Variants in PIEZO2 observed in about 807,000 individuals in gnomAD.
The protein encoded by PIEZO2 is piezo type mechanosensitive ion channel component 2, also known as piezo-type mechanosensitive ion channel component 2.
PIEZO2 carries 172 observed loss-of-function variants against 337.3 expected under a neutral mutation model. The observed-to-expected ratio is 0.51, with a 90% confidence interval of 0.45 to 0.58. PIEZO2 has a LOEUF of 0.58. Ranked by LOEUF, PIEZO2 falls within the 20% of genes least tolerant of loss-of-function variation. The pLI is 0.00. For synonymous variants in PIEZO2, 1,251 were observed against 1,228.5 expected, an observed-to-expected ratio of 1.02 and a Z score of -0.38; for missense variants, 3,028 against 3,391.3, an observed-to-expected ratio of 0.89 and a Z score of 2.66.
chr18:11,122,637 A>C (rs1373997497), intron 1 of PIEZO2, among the ~76,000 whole-genome samples: 1 of 152,174 alleles, frequency 6.6e-6, no homozygotes, highest in East Asian at 1.9e-4. Flanking sequence ...TATTTCTATT[A>C]ATTAAAAAAC....
chr18:10,841,852 C>T (rs1324285657), intron 7 of PIEZO2, among the ~76,000 whole-genome samples: 3 of 152,120 alleles, frequency 2.0e-5, no homozygotes, highest in African/African-American at 7.2e-5. Context: ...TACACACACA[C>T]ATATATTAAT....
intron 7 of PIEZO2, among the ~76,000 whole-genome samples, chr18:10,817,774 T>A (rs2040405807): frequency 6.6e-6 from 1 of 151,910 alleles, no homozygotes. Flanking sequence ...ATACAAAAAA[T>A]TAGCTGAGTG....
chr18:10,951,704 T>G (rs1034480919), intron 3 of PIEZO2, among the ~76,000 whole-genome samples: 1 of 152,306 alleles, frequency 6.6e-6, no homozygotes, highest in East Asian at 1.9e-4. Flanking sequence ...TCTTTTTATC[T>G]CATATTTATC....
chr18:10,990,668 C>T (rs2035053744), intron 2 of PIEZO2, among the ~76,000 whole-genome samples: 1 of 151,246 alleles, frequency 6.6e-6, no homozygotes, highest in Non-Finnish European at 1.5e-5. Flanking sequence ...GATATGTGCT[C>T]AATATATGTA....
chr18:11,144,122 T>C (rs976206482), intron 1 of PIEZO2, among the ~76,000 whole-genome samples: 1 of 152,102 alleles, frequency 6.6e-6, no homozygotes, highest in Admixed American at 6.5e-5. Flanking sequence ...TATCTCTGAC[T>C]ACGAACAAAC....
At chr18:10,985,958 T>A (rs2034854689) in intron 2 of PIEZO2, among the ~76,000 whole-genome samples, 1 of 151,798 alleles carries the variant, frequency 6.6e-6, no homozygotes. Flanking sequence ...TAAAAAAAAA[T>A]CCAGCTATAC....
At position 10,856,059 on chromosome 18, in the gene PIEZO2, G is replaced by GTTTTA. The variant is rs1233096208; in HGVS notation, c.704-498_704-494dup. 6.6e-6 allele frequency among the ~76,000 whole-genome samples: 1 copy of GTTTTA among 150,622 alleles called. No individual in the cohort carries two copies. Among genetic ancestry groups the GTTTTA allele is most frequent in the East Asian group, 1.9e-4 (1 of 5,154 alleles). ...TGCTTATTTTATTTTATTTTGTTTT[G>GTTTTA]TTTTATTTTATTTTATTTTTTGTAG... On this transcript the variant is annotated intron_variant, in intron 6 of 55. Coordinates refer to ENST00000674853, the MANE Select transcript of PIEZO2 (RefSeq NM_001378183.1). The surrounding 1 kb of genome is among the most constrained non-coding windows in gnomAD (Gnocchi z 4.7).
At chr18:10,760,810 C>G (rs1328287776) in intron 24 of PIEZO2, 101 bp downstream of exon 24, 1 of 910,802 alleles carries the variant, frequency 1.1e-6, no homozygotes, top group African/African-American at 1.7e-5. Context: ...AGCTATCATG[C>G]CTGCAGATGT....
At chr18:10,999,303 T>C (rs1348027708) in intron 2 of PIEZO2, among the ~76,000 whole-genome samples, 1 of 152,188 alleles carries the variant, frequency 6.6e-6, no homozygotes, top group Admixed American at 6.5e-5. Context: ...AGTTGATATT[T>C]TGATCTTTTA....
Position 11,030,413 on chromosome 18 carries a change from AG to A in PIEZO2, c.160+35713del, listed in dbSNP as rs200835912. On this transcript the variant is annotated intron_variant, in intron 2 of 55. Transcript: ENST00000674853. ...GACCATGTTTCATTAGTTATCTGTA[AG>A]GGTCCCTAGTACTCCCTAAGCCCAC... is the stretch of plus-strand genomic sequence containing the variant. 8.8e-3 allele frequency among the ~76,000 whole-genome samples: 1,342 copies of A among 152,300 alleles called. 47 individuals are homozygous for A. Among genetic ancestry groups the A allele is most frequent in the Admixed American group, 0.072 (1,108 of 15,292 alleles).
Position 10,813,974 on chromosome 18 carries a change from T to TTTTTTTTTTTTGAGATGGAGTTTTG in PIEZO2, c.918-6725_918-6701dup, listed in dbSNP as rs2040276497. On this transcript the variant is annotated intron_variant, in intron 7 of 55. Transcript: ENST00000674853. The surrounding 1 kb of genome is among the most constrained non-coding windows in gnomAD (Gnocchi z 4.2). ...GGTGTGAGATGGGACACCATATATT[T>TTTTTTTTTTTTGAGATGGAGTTTTG]TTTTTTTTTTTGAGATGGAGTTTTG... Among the ~76,000 whole-genome samples the TTTTTTTTTTTTGAGATGGAGTTTTG allele has an allele frequency of 6.6e-6, 1 of 151,388 alleles. No individual in the cohort carries two copies. The highest frequency in any genetic ancestry group is 1.5e-5 in the Non-Finnish European group (1 of 67,772).
Position 10,859,821 on chromosome 18 carries a change from G to A in PIEZO2, c.493-2610C>T, listed in dbSNP as rs2041825822. 6.6e-6 allele frequency among the ~76,000 whole-genome samples: 1 copy of A among 152,216 alleles called. No individual in the cohort carries two copies. Among genetic ancestry groups the A allele is most frequent in the Non-Finnish European group, 1.5e-5 (1 of 68,044 alleles). The stretch of plus-strand genomic sequence containing the variant: ...GCCACATAACTCTAGTTGCTCCTGG[G>A]GCGGAGCAGAGGGAGGCAGCAGCGG... On this transcript the variant is annotated intron_variant, in intron 5 of 55. Coordinates refer to ENST00000674853, the MANE Select transcript of PIEZO2 (RefSeq NM_001378183.1). The surrounding 1 kb of genome is among the most constrained non-coding windows in gnomAD (Gnocchi z 4.9).
In PIEZO2 at chr18:11,097,995, G is replaced by A. The variant is rs2146078557; in HGVS notation, c.65-31773C>T. Among the ~76,000 whole-genome samples, 1 of 152,174 alleles carries A rather than the reference G, an allele frequency of 6.6e-6. No individual in the cohort carries two copies. Among genetic ancestry groups the A allele is most frequent in the South Asian group, 2.1e-4 (1 of 4,822 alleles). ...AAATGAATTAATAATAAAAACTAAT[G>A]CTCATATACTTTAATCCAGTAAACC... On this transcript the variant is annotated intron_variant, in intron 1 of 55. Transcript: ENST00000674853. This position sits in a 1 kb window ranked among gnomAD's most constrained non-coding sequence, Gnocchi z 5.0.
intron 3 of PIEZO2, among the ~76,000 whole-genome samples, chr18:10,957,477 A>G (rs1215886644): frequency 2.6e-5 from 4 of 152,150 alleles, no homozygotes; most frequent in African/African-American, 9.7e-5. Flanking sequence ...TTGCAGAAGA[A>G]TGAAATTATA....
chr18:11,118,961 A>G (rs4797501), intron 1 of PIEZO2, among the ~76,000 whole-genome samples: 83,765 of 152,028 alleles, frequency 0.55, 26,513 homozygotes, highest in Non-Finnish European at 0.7. Flanking sequence ...GGACACTTAT[A>G]TCCTGTCGTG....
At chr18:10,950,864 A>T (rs1215202226) in intron 3 of PIEZO2, among the ~76,000 whole-genome samples, 2 of 152,202 alleles carry the variant, frequency 1.3e-5, no homozygotes, top group Non-Finnish European at 2.9e-5. Flanking sequence ...TTTTACTCCC[A>T]AAATATTTCT....
chr18:10,771,735 C>T (rs371103933), intron 20 of PIEZO2, among the ~76,000 whole-genome samples: 1 of 152,340 alleles, frequency 6.6e-6, no homozygotes, highest in Non-Finnish European at 1.5e-5. Context: ...AGAAATGATT[C>T]AGAAGTCTTA....
At chr18:10,880,678 G>A (rs1214109682) in intron 4 of PIEZO2, among the ~76,000 whole-genome samples, 1 of 151,696 alleles carries the variant, frequency 6.6e-6, no homozygotes, top group East Asian at 1.9e-4. Flanking sequence ...GGCTTCTGAA[G>A]TTCACACGCT....
intron 18 of PIEZO2, among the ~76,000 whole-genome samples, chr18:10,778,107 A>C (rs561433524): frequency 6.6e-6 from 1 of 152,178 alleles, no homozygotes; most frequent in African/African-American, 2.4e-5. Context: ...CCCCTCTTTC[A>C]GCCCAGAACT....
Sources: gnomAD v4.1 joint callset for allele counts (sites outside exome capture counted in the v4.1 genomes callset) on GRCh38, gnomAD v4.1.1 for gene constraint, Gnocchi (gnomAD v3.1) non-coding constraint, MANE v1.5 for transcripts, NCBI Gene and HGNC (gene_info 2026-07-23, HGNC 2026-07-21) for gene names.